EYA4: variants seen among roughly 807,000 people sequenced by gnomAD.
EYA4 encodes EYA transcriptional coactivator and phosphatase 4, also known as protein phosphatase EYA4.
In EYA4, 31 loss-of-function variants were observed where a neutral mutation model predicts 87.9. That is an observed-to-expected ratio of 0.35 (90% CI 0.27 to 0.48). The LOEUF is 0.48. EYA4 is among the 20% of genes least tolerant of loss of function. The pLI is 0.99. For synonymous variants in EYA4, 263 were observed against 270.6 expected, an observed-to-expected ratio of 0.97 and a Z score of 0.28; for missense variants, 678 against 761.4, an observed-to-expected ratio of 0.89 and a Z score of 1.29.
intron 11 of EYA4, among the ~76,000 whole-genome samples, chr6:133,480,043 G>A (rs1052488141): frequency 6.6e-6 from 1 of 152,194 alleles, no homozygotes; most frequent in African/African-American, 2.4e-5. Context: ...AGGTTTATAT[G>A]TGAGTCATCA....
At position 133,372,608 on chromosome 6, in the gene EYA4, AT is replaced by A. The variant is rs1368226767; in HGVS notation, c.34-9783del. On this transcript the variant is annotated intron_variant, in intron 2 of 19. Transcript: ENST00000355286. ...TATTGTATAAAGCTTAATTTTAAAA[AT>A]AAAGAACTTGATGCCAACATTCTTG... Among the ~76,000 whole-genome samples the A allele has an allele frequency of 2.0e-5, 3 of 151,984 alleles. No homozygotes were observed. In the East Asian group the frequency reaches 5.8e-4, roughly 29 times the overall value.
At chr6:133,373,767 T>C (rs1292292242) in intron 2 of EYA4, among the ~76,000 whole-genome samples, 1 of 152,116 alleles carries the variant, frequency 6.6e-6, no homozygotes, top group African/African-American at 2.4e-5. Context: ...GGTGTTTGTT[T>C]ATCATGCACA....
At chr6:133,474,819 G>T (rs9321403) in intron 11 of EYA4, among the ~76,000 whole-genome samples, 3,107 of 152,140 alleles carry the variant, frequency 0.02, 112 homozygotes, top group African/African-American at 0.07. Context: ...CCCATTGACT[G>T]GTTCTGCATT....
At chr6:133,243,841 C>G (rs1316407446) in intron 1 of EYA4, among the ~76,000 whole-genome samples, 1 of 152,082 alleles carries the variant, frequency 6.6e-6, no homozygotes, top group Non-Finnish European at 1.5e-5. Flanking sequence ...AAACAAAAAG[C>G]AGTAGTAACA....
intron 2 of EYA4, among the ~76,000 whole-genome samples, chr6:133,367,625 T>C (rs1362620398): frequency 1.3e-5 from 2 of 152,214 alleles, no homozygotes; most frequent in Non-Finnish European, 2.9e-5. Context: ...CATAGATTGA[T>C]GGACTCAAAA....
chr6:133,280,723 C>T (rs545146161), intron 2 of EYA4, among the ~76,000 whole-genome samples: 2 of 152,264 alleles, frequency 1.3e-5, no homozygotes, highest in East Asian at 1.9e-4. Flanking sequence ...ATGTCATTCT[C>T]ATACAATACA....
intron 2 of EYA4, among the ~76,000 whole-genome samples, chr6:133,339,498 CAT>C (rs1230379777): frequency 2.0e-5 from 3 of 152,036 alleles, no homozygotes; most frequent in Non-Finnish European, 4.4e-5. Context: ...AATATGATAA[CAT>C]GTGTCTGTAA....
At chr6:133,321,563 C>A (rs920302466) in intron 2 of EYA4, among the ~76,000 whole-genome samples, 11 of 152,128 alleles carry the variant, frequency 7.2e-5, no homozygotes, top group Non-Finnish European at 1.6e-4. Flanking sequence ...CCCCTTACTA[C>A]CTATTTGAAA....
chr6:133,473,030 T>C (rs1338367419), intron 11 of EYA4, among the ~76,000 whole-genome samples: 3 of 152,058 alleles, frequency 2.0e-5, no homozygotes, highest in Non-Finnish European at 4.4e-5. Context: ...ACAGGAATTA[T>C]ATAAATATAT....
chr6:133,337,144 G>A (rs769372026), intron 2 of EYA4, among the ~76,000 whole-genome samples: 15 of 152,034 alleles, frequency 9.9e-5, no homozygotes, highest in Non-Finnish European at 1.6e-4. Context: ...TACCTCCAGC[G>A]GGAACCTGGG....
intron 3 of EYA4, among the ~76,000 whole-genome samples, chr6:133,444,018 C>T (rs1792559780): frequency 6.6e-6 from 1 of 152,122 alleles, no homozygotes; most frequent in Non-Finnish European, 1.5e-5. Flanking sequence ...TATTAGTGTC[C>T]TGGAACTGTC....
chr6:133,510,597 G>A, intron 14 of EYA4: 1 of 249,428 alleles, frequency 4.0e-6, no homozygotes, highest in Non-Finnish European at 8.0e-6. Context: ...TTTTCAGGAA[G>A]CATAATGCCT....
intron 1 of EYA4, among the ~76,000 whole-genome samples, chr6:133,249,700 C>A (rs766980702): frequency 8.5e-5 from 13 of 152,180 alleles, no homozygotes; most frequent in South Asian, 2.1e-4. Flanking sequence ...GCCCCTCTCC[C>A]CCTGCAAATA....
intron 2 of EYA4, among the ~76,000 whole-genome samples, chr6:133,341,807 A>G (rs1227245803): frequency 2.6e-5 from 4 of 151,862 alleles, no homozygotes; most frequent in African/African-American, 9.7e-5. Context: ...AGGGGAAAAA[A>G]AAACTTACCA....
At chr6:133,518,234 A>T (rs11968532) in intron 17 of EYA4, among the ~76,000 whole-genome samples, 24,171 of 151,604 alleles carry the variant, frequency 0.16, 2,145 homozygotes, top group African/African-American at 0.22. Context: ...GATTATATAT[A>T]CTATATAATA....
rs922478775 is a variant in EYA4 at position 133,529,861 on chromosome 6, T to C, written c.*1056T>C. 13 of 985,402 alleles carry C rather than the reference T, an allele frequency of 1.3e-5. No individual in the cohort carries two copies. The Admixed American group carries it at 8.0e-4, about 61-fold the overall frequency. 61.0% of individuals were successfully genotyped at this position (985,402 alleles called of 1,614,324 possible). On this transcript the variant is annotated 3_prime_UTR_variant, in exon 20 of 20. Coordinates refer to ENST00000355286, the MANE Select transcript of EYA4 (RefSeq NM_004100.5). The stretch of plus-strand genomic sequence containing the variant: ...CATATTCATGACAACTTGCACAGTT[T>C]TGAGGTTGAGACTTTTGATATGTGT...
At position 133,451,091 on chromosome 6, in the gene EYA4, G is replaced by A. The variant is rs145143429; in HGVS notation, c.277+2912G>A. On this transcript the variant is annotated intron_variant, in intron 5 of 19. Coordinates refer to ENST00000355286, the MANE Select transcript of EYA4 (RefSeq NM_004100.5). The stretch of plus-strand genomic sequence containing the variant: ...AGAGGTCAGGCCTTGTGGGCTGTCT[G>A]CTCTCTGTTGTCGCTATTTAGCTCT... Among the ~76,000 whole-genome samples the A allele has an allele frequency of 7.8e-3, 1,184 of 152,276 alleles. 6 individuals are homozygous for A. The highest frequency in any genetic ancestry group is 0.027 in the Middle Eastern group (8 of 294).
chr6:133,461,052 C>A, intron 6 of EYA4, 62 bp from the exon 7 acceptor site: 1 of 1,057,490 alleles, frequency 9.5e-7, no homozygotes, highest in Non-Finnish European at 1.5e-6. Context: ...TGGTTATGTA[C>A]ACTCTAGTGA....
chr6:133,501,611 C>T (rs1485276466), intron 13 of EYA4, among the ~76,000 whole-genome samples: 3 of 152,092 alleles, frequency 2.0e-5, no homozygotes, highest in Non-Finnish European at 4.4e-5. Context: ...ACTTTTTCCA[C>T]CTTGGTTCAT....
Sources: gnomAD v4.1 joint callset for allele counts (sites outside exome capture counted in the v4.1 genomes callset) on GRCh38, gnomAD v4.1.1 for gene constraint, MANE v1.5 for transcripts, NCBI Gene and HGNC (gene_info 2026-07-23, HGNC 2026-07-21) for gene names.